Variants in KLHL20 observed in about 807,000 individuals in gnomAD.
KLHL20 encodes the protein kelch-like protein 20.
KLHL20 carries 29 observed loss-of-function variants against 69.5 expected under a neutral mutation model. That is an observed-to-expected ratio of 0.42 (90% CI 0.31 to 0.57). KLHL20 has a LOEUF of 0.57. Ranked by LOEUF, KLHL20 falls within the 20% of genes least tolerant of loss-of-function variation. KLHL20 has a pLI of 0.18. For synonymous variants in KLHL20, 253 were observed against 265.2 expected (o/e 0.95, Z 0.45); for missense variants, 419 against 776.0 (o/e 0.54, Z 5.47).
intron 8 of KLHL20, among the ~76,000 whole-genome samples, chr1:173,772,584 TATTG>T (rs1648165005): frequency 1.3e-5 from 2 of 152,218 alleles, no homozygotes; most frequent in African/African-American, 4.8e-5. Context: ...AATATTATTA[TATTG>T]ATTAACCAAA....
chr1:173,739,592 A>G (rs933751621), intron 3 of KLHL20, among the ~76,000 whole-genome samples: 1 of 150,492 alleles, frequency 6.6e-6, no homozygotes, highest in Non-Finnish European at 1.5e-5. Flanking sequence ...AAGGATGTTC[A>G]TAGTAGCCTT....
chr1:173,753,141 C>A (rs754267380), intron 4 of KLHL20, 72 bp from the exon 5 acceptor site: 90 of 1,254,742 alleles, frequency 7.2e-5, no homozygotes, highest in Middle Eastern at 4.3e-4. Flanking sequence ...CCACTGTACT[C>A]CAGCCTAGGC....
chr1:173,740,127 T>C (rs1316952351), intron 3 of KLHL20, among the ~76,000 whole-genome samples: 1 of 149,858 alleles, frequency 6.7e-6, no homozygotes, highest in African/African-American at 2.5e-5. Context: ...TTTTTTCTTT[T>C]TTTTTTTTTT....
At chr1:173,780,603 C>A (rs962424476) in intron 10 of KLHL20, among the ~76,000 whole-genome samples, 3 of 152,098 alleles carry the variant, frequency 2.0e-5, no homozygotes, top group Admixed American at 6.5e-5. Flanking sequence ...CATGTGGGAC[C>A]CCATCTATAC....
At chr1:173,715,181 G>A (rs1671409426) in intron 1 of KLHL20, 103 bp downstream of exon 1, 1 of 152,408 alleles carries the variant, frequency 6.6e-6, no homozygotes, top group South Asian at 2.1e-4. Flanking sequence ...CATGGGGTCA[G>A]GTCGGTCGCC....
At chr1:173,753,367 T>G (rs928832893) in intron 5 of KLHL20, 60 bp downstream of exon 5, 2 of 1,260,896 alleles carry the variant, frequency 1.6e-6, no homozygotes, top group African/African-American at 3.0e-5. Context: ...TTTCCTAATT[T>G]CCTTATTTGT....
At chr1:173,718,332 A>G (rs1382831877) in intron 2 of KLHL20, among the ~76,000 whole-genome samples, 2 of 151,902 alleles carry the variant, frequency 1.3e-5, no homozygotes, top group Non-Finnish European at 2.9e-5. Context: ...TGAGCCCAAG[A>G]GTTCAAGACC....
chr1:173,733,041 T>TGA (rs1672358556), intron 2 of KLHL20, among the ~76,000 whole-genome samples: 1 of 150,176 alleles, frequency 6.7e-6, no homozygotes, highest in Admixed American at 6.6e-5. Flanking sequence ...TTTTTTTTTT[T>TGA]GAGACAGAGT....
At chr1:173,734,535 A>C in intron 3 of KLHL20, 1 of 457,180 alleles carries the variant, frequency 2.2e-6, no homozygotes, top group Non-Finnish European at 3.9e-6. Context: ...AAAATTTTTA[A>C]AAAGGTTTAT....
intron 10 of KLHL20, among the ~76,000 whole-genome samples, chr1:173,781,020 GGA>G (rs948827857): frequency 3.4e-5 from 5 of 147,096 alleles, no homozygotes; most frequent in East Asian, 2.0e-4. Flanking sequence ...AGAGGGAGAG[GGA>G]GAGAGAGAGA....
At chr1:173,720,128 ATAAT>A (rs529474255) in intron 2 of KLHL20, among the ~76,000 whole-genome samples, 8 of 152,220 alleles carry the variant, frequency 5.3e-5, no homozygotes, top group Non-Finnish European at 8.8e-5. Context: ...TCTCTAAAAT[ATAAT>A]TAATTAATTA....
chr1:173,785,238 T>C lies in KLHL20; in HGVS notation c.1821T>C (p.His607=). The change falls in exon 12 of 12, where the codon CAT becomes CAC. Residue 607 remains histidine (H), a synonymous_variant. Coordinates refer to ENST00000209884, the MANE Select transcript of KLHL20 (RefSeq NM_014458.4). ...TTAAAATGACACATTGTGAATCCCA[T>C]ATTTGGTGAACACAGAGAAGACAGT... is the stretch of plus-strand genomic sequence containing the variant. ...GVIKMTHCES[H]IW is the part of the protein sequence containing the mutation. The C allele has an allele frequency of 6.2e-7, 1 of 1,609,520 alleles. No homozygotes were observed. Among genetic ancestry groups the C allele is most frequent in the Non-Finnish European group, 8.5e-7 (1 of 1,177,746 alleles).
chr1:173,742,694 A>G (rs150211957), intron 3 of KLHL20, among the ~76,000 whole-genome samples: 2,277 of 151,096 alleles, frequency 0.015, 27 homozygotes, highest in Non-Finnish European at 0.024. Context: ...TCGTATGTAT[A>G]TGTGTACATA....
At position 173,766,072 on chromosome 1, in the gene KLHL20, G is replaced by A. The variant is rs900022433; in HGVS notation, c.1152-74G>A. Reference sequence around the variant, plus strand: ...AATAATATATATCATATAAATCCATGGATTTAGAATATGTAAACATAGCCA... The same window carrying A: ...AATAATATATATCATATAAATCCATAGATTTAGAATATGTAAACATAGCCA... On this transcript the variant is annotated intron_variant, in intron 7 of 11. Transcript: ENST00000209884. 101 of 1,182,920 alleles carry A rather than the reference G, an allele frequency of 8.5e-5. 1 individual carries two copies. The highest frequency in any genetic ancestry group is 1.0e-4 in the Non-Finnish European group (91 of 881,992). The allele number at this position is 1,182,920 out of a possible 1,614,324, so 73.3% of individuals were successfully genotyped here. A position where few individuals can be genotyped will look rare whatever the true frequency, so the allele number is the denominator to read the frequency against.
chr1:173,731,329 A>G (rs1410703919), intron 2 of KLHL20, among the ~76,000 whole-genome samples: 1 of 152,232 alleles, frequency 6.6e-6, no homozygotes, highest in African/African-American at 2.4e-5. Flanking sequence ...GGGATCTAGA[A>G]CTAGAAATAC....
intron 7 of KLHL20, among the ~76,000 whole-genome samples, chr1:173,764,830 T>C (rs1461172017): frequency 1.3e-5 from 2 of 152,104 alleles, no homozygotes; most frequent in East Asian, 1.9e-4. Context: ...AACTTACTCA[T>C]GTAACCAAAT....
At chr1:173,762,387 C>G (rs184407324) in intron 7 of KLHL20, among the ~76,000 whole-genome samples, 471 of 152,242 alleles carry the variant, frequency 3.1e-3, no homozygotes, top group Non-Finnish European at 5.0e-3. Context: ...TTCTGTGAAG[C>G]CAGCATCACC....
At chr1:173,723,957 A>C (rs1373577495) in intron 2 of KLHL20, among the ~76,000 whole-genome samples, 2 of 152,150 alleles carry the variant, frequency 1.3e-5, no homozygotes, top group Non-Finnish European at 2.9e-5. Flanking sequence ...AATGATGTTA[A>C]ACATATACTT....
rs373138937 is a variant in KLHL20 at position 173,732,284 on chromosome 1, G to A, written c.24-1429G>A. 4.0e-4 allele frequency among the ~76,000 whole-genome samples: 61 copies of A among 151,350 alleles called. 1 individual carries two copies. The highest frequency in any genetic ancestry group is 1.3e-3 in the Admixed American group (19 of 15,198). ...TTGAGCCTAGGAGTTCAAGACCAGC[G>A]TGGGCAACTTAGTGAGACCCTCATC... On this transcript the variant is annotated intron_variant, in intron 2 of 11. Transcript: ENST00000209884.
Sources: gnomAD v4.1 joint callset for allele counts (sites outside exome capture counted in the v4.1 genomes callset) on GRCh38, gnomAD v4.1.1 for gene constraint, MANE v1.5 for transcripts, NCBI Gene and HGNC (gene_info 2026-07-23, HGNC 2026-07-21) for gene names.